The following KCNQ5 variants were observed in gnomAD, a reference collection of about 807,000 sequenced individuals.
KCNQ5 encodes the protein potassium voltage-gated channel subfamily Q member 5.
In KCNQ5, 30 loss-of-function variants were observed where a neutral mutation model predicts 98.2. The observed-to-expected ratio is 0.31, with a 90% CI of 0.23 to 0.41. The LOEUF is 0.41. KCNQ5 is among the 10% of genes least tolerant of loss of function. The pLI, the probability that KCNQ5 is intolerant of heterozygous loss-of-function variation, is 1.00. For synonymous variants in KCNQ5, 458 were observed against 449.4 expected (o/e 1.02, Z -0.24); for missense variants, 835 against 1,182.5 (o/e 0.71, Z 4.31).
Position 73,127,720 on chromosome 6 carries a change from G to A in KCNQ5, c.1247+3208G>A, listed in dbSNP as rs112890942. On this transcript the variant is annotated intron_variant, in intron 9 of 13. Coordinates refer to ENST00000370398, the MANE Select transcript of KCNQ5 (RefSeq NM_019842.4). Reference sequence around the variant, plus strand: ...AACAAAATTTGCCTACGATGTCTTGGGCTAAGGAAAAATGTCACATTATTT... The same window carrying A: ...AACAAAATTTGCCTACGATGTCTTGAGCTAAGGAAAAATGTCACATTATTT... 2.6e-3 allele frequency among the ~76,000 whole-genome samples: 389 copies of A among 152,202 alleles called. 1 individual carries two copies. The highest frequency in any genetic ancestry group is 9.1e-3 in the African/African-American group (376 of 41,518).
chr6:72,906,427 C>A (rs757802373), intron 1 of KCNQ5, among the ~76,000 whole-genome samples: 3 of 152,180 alleles, frequency 2.0e-5, no homozygotes, highest in Admixed American at 6.5e-5. Context: ...GCTTCTTGAC[C>A]AGTTCAAATT....
intron 1 of KCNQ5, among the ~76,000 whole-genome samples, chr6:72,793,333 A>C (rs1203748872): frequency 6.6e-6 from 1 of 152,198 alleles, no homozygotes; most frequent in African/African-American, 2.4e-5. Flanking sequence ...AAAAAATCAC[A>C]CCATTGATGG....
intron 11 of KCNQ5, among the ~76,000 whole-genome samples, chr6:73,178,793 T>C (rs1000341291): frequency 6.6e-6 from 1 of 152,238 alleles, no homozygotes; most frequent in African/African-American, 2.4e-5. Flanking sequence ...CTTTGCAGAT[T>C]ATAAAACTGT....
At chr6:73,074,504 A>AT (rs377287098) in intron 3 of KCNQ5, among the ~76,000 whole-genome samples, 74 of 152,338 alleles carry the variant, frequency 4.9e-4, no homozygotes, top group African/African-American at 1.6e-3. Context: ...TTAGATTGTG[A>AT]TTCACTGTGT....
At chr6:72,653,852 T>C (rs1471253236) in intron 1 of KCNQ5, among the ~76,000 whole-genome samples, 2 of 152,092 alleles carry the variant, frequency 1.3e-5, no homozygotes, top group East Asian at 1.9e-4. Context: ...GGATATCAGA[T>C]AGTTTCATAT....
At chr6:73,025,722 A>G (rs1221996644) in intron 2 of KCNQ5, among the ~76,000 whole-genome samples, 1 of 151,490 alleles carries the variant, frequency 6.6e-6, no homozygotes, top group African/African-American at 2.4e-5. Flanking sequence ...CAAATATAAG[A>G]TGGTTCTTCC....
chr6:73,146,977 T>A (rs1776951020), intron 10 of KCNQ5, among the ~76,000 whole-genome samples: 1 of 152,222 alleles, frequency 6.6e-6, no homozygotes, highest in Non-Finnish European at 1.5e-5. Context: ...ATTGGGATAC[T>A]AATAGTGCTA....
At chr6:72,830,714 C>T (rs907896786) in intron 1 of KCNQ5, among the ~76,000 whole-genome samples, 1 of 152,162 alleles carries the variant, frequency 6.6e-6, no homozygotes, top group Non-Finnish European at 1.5e-5. Flanking sequence ...GCAATGGCAA[C>T]AAAAGCCAAA....
rs76165844 is a variant in KCNQ5, at chr6:73,190,537, G to A, written c.1578-36G>A. 1,255 of 1,143,576 alleles carry A rather than the reference G, an allele frequency of 1.1e-3. 11 individuals carry two copies. In the African/African-American group the frequency reaches 0.018, roughly 16 times the overall value. The allele number at this position is 1,143,576 out of a possible 1,614,324, so 70.8% of individuals were successfully genotyped here. A position where few individuals can be genotyped will look rare whatever the true frequency, so the allele number is the denominator to read the frequency against. ...TATTTTGGTAACTTATATTAACAGA[G>A]TTATAAAGATTAATATGTAATATGT... On this transcript the variant is annotated intron_variant, in intron 11 of 13. Transcript: ENST00000370398.
At chr6:72,983,185 T>G (rs1427557449) in intron 1 of KCNQ5, among the ~76,000 whole-genome samples, 1 of 152,210 alleles carries the variant, frequency 6.6e-6, no homozygotes, top group South Asian at 2.1e-4. Flanking sequence ...CTTTGTGGTG[T>G]TCTCTGTATT....
At chr6:73,032,753 A>T (rs983825527) in intron 2 of KCNQ5, among the ~76,000 whole-genome samples, 8 of 152,168 alleles carry the variant, frequency 5.3e-5, no homozygotes, top group African/African-American at 1.9e-4. Context: ...TACATGAATC[A>T]TTTGGGCATG....
intron 1 of KCNQ5, among the ~76,000 whole-genome samples, chr6:72,914,903 T>C (rs562746932): frequency 3.9e-4 from 60 of 152,072 alleles, no homozygotes; most frequent in East Asian, 3.3e-3. Context: ...AGTCTCCTAC[T>C]CAAAGGAAAC....
Position 73,006,613 on chromosome 6 carries a change from A to G in KCNQ5, c.489+2615A>G, listed in dbSNP as rs1176210131. ...GGTTGCAGTGAACCGGGATCGCACC[A>G]CTGCACTCCAGCCTGGGCAACAGAG... On this transcript the variant is annotated intron_variant, in intron 2 of 13. Coordinates refer to ENST00000370398, the MANE Select transcript of KCNQ5 (RefSeq NM_019842.4). Among the ~76,000 whole-genome samples the G allele has an allele frequency of 2.0e-5, 3 of 152,144 alleles. No individual in the cohort carries two copies. The East Asian group carries it at 5.8e-4, about 29-fold the overall frequency.
chr6:72,638,254 G>A (rs2098925324), intron 1 of KCNQ5, among the ~76,000 whole-genome samples: 1 of 152,130 alleles, frequency 6.6e-6, no homozygotes, highest in Non-Finnish European at 1.5e-5. Flanking sequence ...GAAATTGGAA[G>A]TTAGAGTTTC....
At chr6:72,821,603 CA>C (rs1775754916) in intron 1 of KCNQ5, among the ~76,000 whole-genome samples, 1 of 151,190 alleles carries the variant, frequency 6.6e-6, no homozygotes, top group Admixed American at 6.6e-5. Flanking sequence ...CATGAAGTTT[CA>C]AGATTTTTTG....
intron 2 of KCNQ5, among the ~76,000 whole-genome samples, chr6:73,013,322 C>T (rs940715883): frequency 1.3e-5 from 2 of 152,056 alleles, no homozygotes; most frequent in Admixed American, 6.6e-5. Context: ...TCTCTTCTCT[C>T]GATGTCTGCA....
intron 3 of KCNQ5, among the ~76,000 whole-genome samples, chr6:73,061,173 G>C (rs1183195139): frequency 6.6e-6 from 1 of 152,086 alleles, no homozygotes; most frequent in African/African-American, 2.4e-5. Flanking sequence ...CTACTTTTGT[G>C]TAAGAAAGGA....
At chr6:72,923,101 C>T (rs541421925) in intron 1 of KCNQ5, among the ~76,000 whole-genome samples, 10 of 152,158 alleles carry the variant, frequency 6.6e-5, no homozygotes, top group African/African-American at 9.6e-5. Flanking sequence ...TGTGAGCCAC[C>T]GCGCCCAGCC....
At chr6:73,103,755 CAAA>C (rs57430661) in intron 5 of KCNQ5, among the ~76,000 whole-genome samples, 1 of 151,550 alleles carries the variant, frequency 6.6e-6, no homozygotes, top group Admixed American at 6.6e-5. Flanking sequence ...TAATGGACAC[CAAA>C]AAAAAACCAG....
Sources: allele counts gnomAD v4.1 joint callset (sites outside exome capture counted in the v4.1 genomes callset), GRCh38; gene constraint gnomAD v4.1.1; transcripts MANE v1.5; gene names NCBI Gene and HGNC (gene_info 2026-07-23, HGNC 2026-07-21).